Variants in SOX6 observed in about 807,000 individuals in gnomAD.
SOX6 encodes the protein transcription factor SOX-6.
A neutral mutation model predicts 97.8 loss-of-function variants in SOX6; 11 were observed. The ratio of observed to expected loss-of-function variants is 0.11; its 90% CI spans 0.07 to 0.19. The LOEUF (loss-of-function observed/expected upper bound fraction) is 0.19. Ranked by LOEUF, SOX6 falls within the 10% of genes least tolerant of loss-of-function variation. The pLI is 1.00. For synonymous variants in SOX6, 360 were observed against 371.4 expected (o/e 0.97, Z 0.35); for missense variants, 810 against 1,039.5 (o/e 0.78, Z 3.04).
At chr11:16,110,974 G>T (rs1166595563) in intron 7 of SOX6, among the ~76,000 whole-genome samples, 1 of 152,176 alleles carries the variant, frequency 6.6e-6, no homozygotes, top group Non-Finnish European at 1.5e-5. Flanking sequence ...ACTTGACACA[G>T]AAATTATTAA....
At chr11:16,057,645 T>A (rs1847852861) in intron 9 of SOX6, among the ~76,000 whole-genome samples, 1 of 152,168 alleles carries the variant, frequency 6.6e-6, no homozygotes, top group Non-Finnish European at 1.5e-5. Flanking sequence ...CCGAGTATCA[T>A]GTTTTCTTCC....
chr11:16,239,356 A>C (rs2134182679), intron 3 of SOX6, among the ~76,000 whole-genome samples: 1 of 152,164 alleles, frequency 6.6e-6, no homozygotes, highest in South Asian at 2.1e-4. Context: ...TTTCCAAATA[A>C]GAACAAGGGA....
intron 4 of SOX6, among the ~76,000 whole-genome samples, chr11:16,198,184 G>A (rs1851837244): frequency 6.7e-6 from 1 of 150,204 alleles, no homozygotes; most frequent in African/African-American, 2.5e-5. Flanking sequence ...CTCCCGAGTA[G>A]CTGGGATTAC....
intron 3 of SOX6, among the ~76,000 whole-genome samples, chr11:16,301,530 T>C (rs1477905771): frequency 6.6e-6 from 1 of 152,166 alleles, no homozygotes; most frequent in Non-Finnish European, 1.5e-5. Flanking sequence ...CCCAAGAATT[T>C]GCACTTCAAA....
chr11:16,701,762 A>C, intron 3 of SOX6, among the ~76,000 whole-genome samples: 1 of 11,692 alleles, frequency 8.6e-5, no homozygotes. Flanking sequence ...GGCGGGCGGG[A>C]CGGAGGGGTT....
Position 16,492,843 on chromosome 11 carries a change from T to C in SOX6, n.610-16455A>G, listed in dbSNP as rs12788375. ...AAACGGATTCATAAAAGAGGATTTC[T>C]ATATGGCCAATAAACATCAAAATGT... On this transcript the variant is annotated intron_variant and non_coding_transcript_variant, in intron 4 of 5. Transcript: ENST00000524520. 7.1e-3 allele frequency among the ~76,000 whole-genome samples: 1,089 copies of C among 152,344 alleles called. 2 individuals carry two copies. Among genetic ancestry groups the C allele is most frequent in the Non-Finnish European group, 0.013 (865 of 68,028 alleles).
chr11:16,133,668 G>A lies in SOX6; in HGVS notation c.778-21745C>T, dbSNP rs1312895095. Among the ~76,000 whole-genome samples the A allele has an allele frequency of 6.2e-5, 7 of 112,648 alleles. No individual in the cohort carries two copies. In the East Asian group the frequency reaches 2.9e-3, roughly 47 times the overall value. The allele number at this position is 112,648 out of a possible 152,430, so 73.9% of individuals were successfully genotyped here. Reference sequence around the variant, plus strand: ...ATTATCATATTATTATACAGGTTTTGTTTTGTTTTGTTTTGTTTTGTTTTG... The same window carrying A: ...ATTATCATATTATTATACAGGTTTTATTTTGTTTTGTTTTGTTTTGTTTTG... On this transcript the variant is annotated intron_variant, in intron 6 of 15. Transcript: ENST00000683767.
chr11:16,633,878 T>A (rs557864527), intron 3 of SOX6, among the ~76,000 whole-genome samples: 4 of 152,328 alleles, frequency 2.6e-5, no homozygotes. Context: ...ACCAAGCTAA[T>A]TGCCTTATAA....
intron 2 of SOX6, among the ~76,000 whole-genome samples, chr11:16,723,487 TA>T (rs951676936): frequency 7.3e-5 from 11 of 150,250 alleles, no homozygotes; most frequent in Non-Finnish European, 1.5e-4. Context: ...AAATGAAAGT[TA>T]AAAGAAAAAG....
chr11:16,425,368 C>G (rs1859103726), intron 1 of SOX6, among the ~76,000 whole-genome samples: 1 of 152,338 alleles, frequency 6.6e-6, no homozygotes, highest in Non-Finnish European at 1.5e-5. Context: ...AGGCACTGTT[C>G]TAGTTGCTGA....
chr11:16,705,459 TA>T (rs1486074506), intron 3 of SOX6, among the ~76,000 whole-genome samples: 1 of 151,782 alleles, frequency 6.6e-6, no homozygotes, highest in Non-Finnish European at 1.5e-5. Context: ...ACCTCGTCCC[TA>T]AAAAACAAAT....
At chr11:16,622,569 T>C (rs997161716) in intron 3 of SOX6, among the ~76,000 whole-genome samples, 3 of 152,238 alleles carry the variant, frequency 2.0e-5, no homozygotes, top group Non-Finnish European at 4.4e-5. Context: ...GGTCTCCAAT[T>C]CCATCCAGCT....
At chr11:16,603,668 C>G (rs1430191915) in intron 4 of SOX6, among the ~76,000 whole-genome samples, 1 of 152,138 alleles carries the variant, frequency 6.6e-6, no homozygotes, top group East Asian at 1.9e-4. Flanking sequence ...CCCTCCCCCA[C>G]GAGTAGGATG....
intron 1 of SOX6, among the ~76,000 whole-genome samples, chr11:16,458,693 C>T (rs1859859677): frequency 6.6e-6 from 1 of 152,056 alleles, no homozygotes. Flanking sequence ...CCAAGATGGA[C>T]TAACAGCGAC....
At chr11:16,445,195 C>G (rs1237090043) in intron 1 of SOX6, among the ~76,000 whole-genome samples, 1 of 152,092 alleles carries the variant, frequency 6.6e-6, no homozygotes, top group Non-Finnish European at 1.5e-5. Context: ...CATTAAAATA[C>G]ATAAACATGG....
At chr11:16,728,916 G>A (rs1000369361) in intron 2 of SOX6, among the ~76,000 whole-genome samples, 15 of 152,070 alleles carry the variant, frequency 9.9e-5, no homozygotes, top group African/African-American at 1.4e-4. Flanking sequence ...AAAACAGCAC[G>A]AAAACTTCAT....
chr11:16,257,485 G>GA (rs1048738804), intron 3 of SOX6, among the ~76,000 whole-genome samples: 4 of 151,866 alleles, frequency 2.6e-5, no homozygotes, highest in African/African-American at 7.2e-5. Context: ...AAATGATGCT[G>GA]AAAAAACTGG....
chr11:16,043,161 T>C (rs150475527), intron 12 of SOX6, among the ~76,000 whole-genome samples: 1 of 152,318 alleles, frequency 6.6e-6, no homozygotes, highest in Non-Finnish European at 1.5e-5. Context: ...TAAAATACTC[T>C]CTATCTTAGA....
At chr11:16,159,386 T>A (rs1850683750) in intron 6 of SOX6, among the ~76,000 whole-genome samples, 1 of 152,118 alleles carries the variant, frequency 6.6e-6, no homozygotes. Flanking sequence ...AACATTTTCA[T>A]ACAGCTCTCC....
Sources: gnomAD v4.1 joint callset for allele counts (sites outside exome capture counted in the v4.1 genomes callset) on GRCh38, gnomAD v4.1.1 for gene constraint, MANE v1.5 for transcripts, NCBI Gene and HGNC (gene_info 2026-07-23, HGNC 2026-07-21) for gene names.